The following ADARB1 variants were observed in gnomAD, a reference collection of about 807,000 sequenced individuals.
ADARB1 encodes the protein adenosine deaminase RNA specific B1.
Under a neutral mutation model 52.4 loss-of-function variants are expected in ADARB1, and 10 were observed. The ratio of observed to expected loss-of-function variants is 0.19; its 90% CI spans 0.12 to 0.32. ADARB1 has a LOEUF of 0.32. ADARB1 is among the 10% of genes least tolerant of loss of function. The pLI is 1.00. For synonymous variants in ADARB1, 349 were observed against 371.1 expected, an observed-to-expected ratio of 0.94 and a Z score of 0.68; for missense variants, 643 against 922.3, an observed-to-expected ratio of 0.70 and a Z score of 3.92.
rs117247205 is a variant in ADARB1, at chr21:45,136,928, T to C, written c.-48+8355T>C. ...AAAAAATTCCTAAGAAGTGGTTGGA[T>C]TCCCAGTTTATATGTGGCTTTAAGG... On this transcript the variant is annotated intron_variant, in intron 2 of 10. Coordinates refer to ENST00000348831, the MANE Select transcript of ADARB1 (RefSeq NM_001112.4). Among the ~76,000 whole-genome samples the C allele has an allele frequency of 7.0e-3, 1,060 of 152,380 alleles. 3 individuals carry two copies. The highest frequency in any genetic ancestry group is 0.011 in the Non-Finnish European group (781 of 68,038).
chr21:45,119,744 G>A (rs1284628186), intron 1 of ADARB1, among the ~76,000 whole-genome samples: 2 of 152,182 alleles, frequency 1.3e-5, no homozygotes, highest in Non-Finnish European at 2.9e-5. Context: ...AAATAAAGAC[G>A]GAGATGACTT....
chr21:45,181,784 A>C (rs6518214), intron 5 of ADARB1, among the ~76,000 whole-genome samples: 106,607 of 152,182 alleles, frequency 0.7, 38,125 homozygotes, highest in African/African-American at 0.86. Context: ...GGTTGAGTGG[A>C]CTTGGGCAGG....
Position 45,156,362 on chromosome 21 carries a change from CCCATCATCACCCAT to C in ADARB1, c.-47-15246_-47-15233del, listed in dbSNP as rs1261668006. Among the ~76,000 whole-genome samples, 13 of 151,062 alleles carry C rather than the reference CCCATCATCACCCAT, an allele frequency of 8.6e-5. No homozygotes were observed. The South Asian group carries it at 1.1e-3, about 12-fold the overall frequency. On this transcript the variant is annotated intron_variant, in intron 2 of 10. Transcript: ENST00000348831. ...CATCATCCATCTATCCATCCACCCACCCATCATCACCCATCACCCATCATCCATCCATCCATCCA... is the reference window on the plus strand; with the variant it reads ...CATCATCCATCTATCCATCCACCCACCACCCATCATCCATCCATCCATCCA...
At chr21:45,091,834 C>T (rs1007762493) in intron 1 of ADARB1, among the ~76,000 whole-genome samples, 4 of 152,106 alleles carry the variant, frequency 2.6e-5, no homozygotes, top group African/African-American at 7.2e-5. Flanking sequence ...GGCTAGGCTG[C>T]GAAATTTGGA....
Position 45,222,406 on chromosome 21 carries a change from C to A in ADARB1, c.*209C>A. ...GGGGAGGGGATGGGGTGCGTCAGGG[C>A]CCAGCATCGCCGCCTGGCATCTCTC... On this transcript the variant is annotated 3_prime_UTR_variant, in exon 11 of 11. Transcript: ENST00000348831. The A allele has an allele frequency of 7.7e-7, 1 of 1,300,702 alleles. No homozygotes were observed. The highest frequency in any genetic ancestry group is 9.7e-7 in the Non-Finnish European group (1 of 1,029,914). The allele number at this position is 1,300,702 out of a possible 1,614,324, so 80.6% of individuals were successfully genotyped here. A position where few individuals can be genotyped will look rare whatever the true frequency, so the allele number is the denominator to read the frequency against.
At chr21:45,162,099 C>T (rs2091001922) in intron 2 of ADARB1, among the ~76,000 whole-genome samples, 1 of 152,152 alleles carries the variant, frequency 6.6e-6, no homozygotes, top group Non-Finnish European at 1.5e-5. Flanking sequence ...ACATTGCAGG[C>T]AATGAGGAGA....
intron 1 of ADARB1, among the ~76,000 whole-genome samples, chr21:45,107,186 A>G (rs2087296740): frequency 6.6e-6 from 1 of 152,254 alleles, no homozygotes; most frequent in African/African-American, 2.4e-5. Context: ...TCAAAAGCTA[A>G]GTGAAGAAAA....
At chr21:45,124,253 A>T (rs771227953) in intron 1 of ADARB1, among the ~76,000 whole-genome samples, 9 of 152,162 alleles carry the variant, frequency 5.9e-5, no homozygotes, top group Non-Finnish European at 1.5e-5. Flanking sequence ...GTCTTGTTGA[A>T]TGTTGGATTC....
At chr21:45,132,702 A>G (rs965936163) in intron 2 of ADARB1, among the ~76,000 whole-genome samples, 3 of 152,182 alleles carry the variant, frequency 2.0e-5, no homozygotes, top group Non-Finnish European at 2.9e-5. Flanking sequence ...GTTACATCCA[A>G]GTAAAAAGGA....
At chr21:45,162,707 C>T (rs1438911261) in intron 2 of ADARB1, among the ~76,000 whole-genome samples, 1 of 152,244 alleles carries the variant, frequency 6.6e-6, no homozygotes, top group East Asian at 1.9e-4. Flanking sequence ...CCCATGAGCG[C>T]TCCTTCATGC....
At chr21:45,109,200 T>TGTTTGCGCGC (rs1430534297) in intron 1 of ADARB1, among the ~76,000 whole-genome samples, 3 of 9,430 alleles carry the variant, frequency 3.2e-4, no homozygotes, top group Non-Finnish European at 6.0e-4. Context: ...TGTGTGCACG[T>TGTTTGCGCGC]GTGTTTGCGC....
At chr21:45,090,876 G>A (rs1014747943) in intron 1 of ADARB1, among the ~76,000 whole-genome samples, 4 of 152,166 alleles carry the variant, frequency 2.6e-5, no homozygotes, top group South Asian at 2.1e-4. Flanking sequence ...TGTAGATAGC[G>A]AAATGCAGGG....
At chr21:45,115,629 A>C (rs1601410548) in intron 1 of ADARB1, among the ~76,000 whole-genome samples, 1 of 152,234 alleles carries the variant, frequency 6.6e-6, no homozygotes, top group South Asian at 2.1e-4. Flanking sequence ...GATGTTTACT[A>C]TGTAAATGTT....
At chr21:45,207,196 C>G (rs1384143863) in intron 9 of ADARB1, among the ~76,000 whole-genome samples, 3 of 152,270 alleles carry the variant, frequency 2.0e-5, no homozygotes, top group Admixed American at 1.3e-4. Flanking sequence ...CAATGTCACT[C>G]TAGCACCAAA....
chr21:45,077,937 G>A (rs1014380046), intron 1 of ADARB1, among the ~76,000 whole-genome samples: 4 of 152,154 alleles, frequency 2.6e-5, no homozygotes, highest in Non-Finnish European at 2.9e-5. Flanking sequence ...CAGGGACAGC[G>A]CAGTAGCCCA....
chr21:45,176,741 G>T lies in ADARB1; in HGVS notation c.963+77G>T. 7.0e-7 allele frequency: 1 copy of T among 1,430,656 alleles called. No individual in the cohort carries two copies. The highest frequency in any genetic ancestry group is 2.3e-5 in the Admixed American group (1 of 43,864). The allele number at this position is 1,430,656 out of a possible 1,614,324, so 88.6% of individuals were successfully genotyped here. ...GCTTCTAGACAGCATTTTAGTTTCA[G>T]GATTACTGTTGACTTTCCACCTTGA... On this transcript the variant is annotated intron_variant, in intron 4 of 10. Coordinates refer to ENST00000348831, the MANE Select transcript of ADARB1 (RefSeq NM_001112.4). This position sits in a 1 kb window ranked among gnomAD's most constrained non-coding sequence, Gnocchi z 5.8.
chr21:45,136,788 C>T (rs1169540544), intron 2 of ADARB1, among the ~76,000 whole-genome samples: 1 of 152,246 alleles, frequency 6.6e-6, no homozygotes. Flanking sequence ...AGCTGGTGTC[C>T]ACAGGGGCCA....
intron 7 of ADARB1, among the ~76,000 whole-genome samples, chr21:45,184,245 G>A (rs183497369): frequency 6.6e-6 from 1 of 152,176 alleles, no homozygotes; most frequent in East Asian, 1.9e-4. Flanking sequence ...TAAAAATATA[G>A]AGGAAAATAA....
chr21:45,222,418 G>A lies in ADARB1; in HGVS notation c.*221G>A, dbSNP rs189363613. ...GGGTGCGTCAGGGCCCAGCATCGCC[G>A]CCTGGCATCTCTCTGCCGCAGCATT... On this transcript the variant is annotated 3_prime_UTR_variant, in exon 11 of 11. Transcript: ENST00000348831. The A allele has an allele frequency of 3.8e-5, 49 of 1,291,520 alleles. No individual in the cohort carries two copies. The highest frequency in any genetic ancestry group is 2.1e-4 in the African/African-American group (14 of 65,124). 80.0% of individuals were successfully genotyped at this position (1,291,520 alleles called of 1,614,324 possible).
Sources: allele counts gnomAD v4.1 joint callset (sites outside exome capture counted in the v4.1 genomes callset), GRCh38; gene constraint gnomAD v4.1.1; non-coding constraint Gnocchi (gnomAD v3.1); transcripts MANE v1.5; gene names NCBI Gene and HGNC (gene_info 2026-07-23, HGNC 2026-07-21).